AGBL1: variants seen among roughly 807,000 people sequenced by gnomAD.
AGBL1 encodes cytosolic carboxypeptidase 4.
Under a neutral mutation model 118.9 loss-of-function variants are expected in AGBL1, and 130 were observed. The ratio of observed to expected loss-of-function variants is 1.09; its 90% CI spans 0.95 to 1.26. AGBL1 has a LOEUF of 1.26. Ranked by LOEUF, AGBL1 falls within the 50% of genes most tolerant of loss-of-function variation. The probability of loss-of-function intolerance (pLI) is 0.00; values close to 1 mark genes in which losing one functional copy is unlikely to be tolerated. For missense variants in AGBL1, 1,584 were observed against 1,298.1 expected (o/e 1.22, Z -3.38); for synonymous variants, 555 against 478.9 (o/e 1.16, Z -2.08).
At chr15:86,270,970 G>A (rs373991846) in intron 14 of AGBL1, among the ~76,000 whole-genome samples, 1 of 151,406 alleles carries the variant, frequency 6.6e-6, no homozygotes. Context: ...TTCCTTGGCT[G>A]ATGGCCCCTT....
At chr15:86,200,609 C>A (rs1241189283) in intron 5 of AGBL1, among the ~76,000 whole-genome samples, 13 of 117,924 alleles carry the variant, frequency 1.1e-4, no homozygotes, top group Non-Finnish European at 1.9e-4. Context: ...AATCATGAAT[C>A]CTTTTTCTTT....
Position 86,682,977 on chromosome 15 carries a change from G to A in AGBL1, c.3158+8541G>A, listed in dbSNP as rs74530730. ...TGCCAAATGTCATGACTATATTTAA[G>A]GGACTGCACTGGCATTTGAATCTAC... On this transcript the variant is annotated intron_variant, in intron 22 of 22. Coordinates refer to ENST00000614907, the MANE Select transcript of AGBL1 (RefSeq NM_001386094.1). 2.0e-5 allele frequency among the ~76,000 whole-genome samples: 3 copies of A among 152,238 alleles called. No individual in the cohort carries two copies. In the South Asian group the frequency reaches 6.2e-4, roughly 32 times the overall value.
intron 24 of AGBL1, among the ~76,000 whole-genome samples, chr15:87,019,507 T>G (rs2081640868): frequency 6.6e-6 from 1 of 152,158 alleles, no homozygotes; most frequent in Non-Finnish European, 1.5e-5. Flanking sequence ...TTGAACAACC[T>G]GCTCCGGAAT....
chr15:86,794,886 G>A (rs1376007328), intron 22 of AGBL1, among the ~76,000 whole-genome samples: 1 of 152,146 alleles, frequency 6.6e-6, no homozygotes, highest in Non-Finnish European at 1.5e-5. Flanking sequence ...TAGTTATGTT[G>A]AGAAAGTCCC....
At chr15:86,921,906 G>T (rs2080485319) in intron 23 of AGBL1, among the ~76,000 whole-genome samples, 1 of 152,108 alleles carries the variant, frequency 6.6e-6, no homozygotes, top group Admixed American at 6.5e-5. Context: ...AGATGTTCAA[G>T]GTATAAAGTG....
chr15:86,809,848 G>A (rs2078764421), intron 22 of AGBL1, among the ~76,000 whole-genome samples: 1 of 152,142 alleles, frequency 6.6e-6, no homozygotes, highest in African/African-American at 2.4e-5. Flanking sequence ...GAGGAGATAA[G>A]CAGCTCTGGA....
At chr15:86,861,134 G>T (rs2141480245) in intron 22 of AGBL1, among the ~76,000 whole-genome samples, 1 of 152,260 alleles carries the variant, frequency 6.6e-6, no homozygotes, top group Admixed American at 6.5e-5. Flanking sequence ...GAAGGTCACT[G>T]CTCCCAAATT....
chr15:86,277,290 GTGTGTGTGTGTGCA>G, intron 15 of AGBL1, among the ~76,000 whole-genome samples: 2 of 46,110 alleles, frequency 4.3e-5, no homozygotes, highest in East Asian at 9.7e-4. Context: ...GAGAGAGAGA[GTGTGTGTGTGTGCA>G]TGTGTGTGTG....
At chr15:86,493,643 A>G (rs771941460) in intron 18 of AGBL1, among the ~76,000 whole-genome samples, 1 of 152,064 alleles carries the variant, frequency 6.6e-6, no homozygotes, top group Non-Finnish European at 1.5e-5. Context: ...TTAAGTTCTC[A>G]TGATTTCAGT....
At chr15:86,170,017 A>G (rs759165292) in intron 5 of AGBL1, among the ~76,000 whole-genome samples, 1 of 152,246 alleles carries the variant, frequency 6.6e-6, no homozygotes, top group Non-Finnish European at 1.5e-5. Context: ...TCAGGCATGC[A>G]AAGGAACAAG....
chr15:86,789,899 T>G (rs1286377315), intron 22 of AGBL1, among the ~76,000 whole-genome samples: 1 of 152,170 alleles, frequency 6.6e-6, no homozygotes, highest in African/African-American at 2.4e-5. Context: ...ATTTGAATTG[T>G]TTCTGGTGAT....
In AGBL1 at chr15:86,301,641, G is replaced by GGTGTGT. The variant is rs60282415; in HGVS notation, c.2374+6281_2374+6286dup. Among the ~76,000 whole-genome samples, 48 of 137,332 alleles carry GGTGTGT rather than the reference G, an allele frequency of 3.5e-4. 1 individual carries two copies. The highest frequency in any genetic ancestry group is 3.6e-3 in the Middle Eastern group (1 of 276). 90.1% of individuals were successfully genotyped at this position (137,332 alleles called of 152,430 possible). ...TCACTGAGGTACTCATAATCTACAGGGTGTGTGTGTGTGTGTGTGTGTGTG... is the reference window on the plus strand; with the variant it reads ...TCACTGAGGTACTCATAATCTACAGGGTGTGTGTGTGTGTGTGTGTGTGTGTGTGTG... On this transcript the variant is annotated intron_variant, in intron 17 of 22. Transcript: ENST00000614907.
chr15:86,161,827 C>T (rs2077270241), intron 5 of AGBL1, among the ~76,000 whole-genome samples: 1 of 152,200 alleles, frequency 6.6e-6, no homozygotes, highest in Non-Finnish European at 1.5e-5. Context: ...CTGTAAGCCT[C>T]CTTCTACCAG....
intron 23 of AGBL1, among the ~76,000 whole-genome samples, chr15:86,964,327 T>C (rs1028072849): frequency 1.3e-5 from 2 of 151,878 alleles, no homozygotes; most frequent in Middle Eastern, 3.2e-3. Context: ...TGTGGAGGGT[T>C]ATGCTATGTA....
chr15:86,249,315 C>T (rs1481102867), intron 7 of AGBL1, among the ~76,000 whole-genome samples: 1 of 152,110 alleles, frequency 6.6e-6, no homozygotes, highest in Non-Finnish European at 1.5e-5. Flanking sequence ...TATCTGAGTA[C>T]ATCTGAGGTA....
chr15:86,443,124 C>T (rs16977213), intron 18 of AGBL1, among the ~76,000 whole-genome samples: 7 of 152,070 alleles, frequency 4.6e-5, no homozygotes, highest in African/African-American at 9.7e-5. Flanking sequence ...GTCACTGAGC[C>T]GGAGAAACCT....
intron 19 of AGBL1, among the ~76,000 whole-genome samples, chr15:86,526,219 G>A (rs1307282043): frequency 1.3e-5 from 2 of 151,490 alleles, no homozygotes; most frequent in African/African-American, 4.9e-5. Flanking sequence ...AACAACAGAT[G>A]TAGGCATGGA....
intron 22 of AGBL1, among the ~76,000 whole-genome samples, chr15:86,708,996 A>G (rs2086506087): frequency 6.6e-6 from 1 of 152,152 alleles, no homozygotes; most frequent in East Asian, 1.9e-4. Context: ...AGGTGTGTTC[A>G]AAATCTGAGC....
chr15:86,128,791 T>C lies in AGBL1; in HGVS notation c.52-13213T>C, dbSNP rs986832001. Among the ~76,000 whole-genome samples the C allele has an allele frequency of 5.9e-5, 9 of 152,236 alleles. No individual in the cohort carries two copies. The South Asian group carries it at 1.9e-3, about 32-fold the overall frequency. On this transcript the variant is annotated intron_variant, in intron 1 of 22. Coordinates refer to ENST00000614907, the MANE Select transcript of AGBL1 (RefSeq NM_001386094.1). ...TGTAGCAGAATGAAGGGAACTGGGG[T>C]ATATGACAATTATAGCTATTAATCT...
Sources: allele counts gnomAD v4.1 joint callset (sites outside exome capture counted in the v4.1 genomes callset), GRCh38; gene constraint gnomAD v4.1.1; transcripts MANE v1.5; gene names NCBI Gene and HGNC (gene_info 2026-07-23, HGNC 2026-07-21).